The following DEUP1 variants were observed in gnomAD, a reference collection of about 807,000 sequenced individuals.
DEUP1 encodes coiled-coil domain containing 67.
DEUP1 carries 82 observed loss-of-function variants against 87.4 expected under a neutral mutation model. The observed-to-expected ratio is 0.94, with a 90% CI of 0.78 to 1.13. The LOEUF (loss-of-function observed/expected upper bound fraction) is 1.13. Ranked by LOEUF, DEUP1 falls within the 50% of genes most tolerant of loss-of-function variation. DEUP1 has a pLI of 0.00. For missense variants in DEUP1, 663 were observed against 681.5 expected (o/e 0.97, Z 0.30); for synonymous variants, 214 against 222.7 (o/e 0.96, Z 0.35).
chr11:93,376,535 T>A (rs1387494485), intron 7 of DEUP1, among the ~76,000 whole-genome samples: 7 of 152,216 alleles, frequency 4.6e-5, no homozygotes, highest in Admixed American at 4.6e-4. Context: ...ATCTTGCTAA[T>A]GGTCTATTGA....
intron 13 of DEUP1, among the ~76,000 whole-genome samples, chr11:93,420,068 G>A (rs1591264358): frequency 6.6e-6 from 1 of 152,222 alleles, no homozygotes; most frequent in African/African-American, 2.4e-5. Flanking sequence ...ATTTTATGAG[G>A]CCAGCATCAT....
At chr11:93,373,625 G>GTGTATATATATATA (rs796309948) in intron 7 of DEUP1, among the ~76,000 whole-genome samples, 11 of 67,008 alleles carry the variant, frequency 1.6e-4, no homozygotes, top group African/African-American at 4.1e-4. Flanking sequence ...ATATATATAC[G>GTGTATATATATATA]TATATATATA....
intron 6 of DEUP1, among the ~76,000 whole-genome samples, chr11:93,370,489 C>T (rs577381328): frequency 1.3e-5 from 2 of 152,312 alleles, no homozygotes; most frequent in East Asian, 3.9e-4. Context: ...CTTTGTATTT[C>T]CCTGGCTACT....
chr11:93,410,440 G>C (rs1263487336), intron 12 of DEUP1, among the ~76,000 whole-genome samples: 1 of 152,164 alleles, frequency 6.6e-6, no homozygotes, highest in Non-Finnish European at 1.5e-5. Context: ...AAGAATATAT[G>C]TTCTAATATG....
intron 9 of DEUP1, among the ~76,000 whole-genome samples, chr11:93,393,440 G>T (rs1400941546): frequency 6.6e-6 from 1 of 151,790 alleles, no homozygotes; most frequent in Non-Finnish European, 1.5e-5. Context: ...CTGGGTTCCA[G>T]GCATCCTTCC....
At chr11:93,376,328 A>G (rs1464096295) in intron 7 of DEUP1, among the ~76,000 whole-genome samples, 1 of 152,084 alleles carries the variant, frequency 6.6e-6, no homozygotes, top group Non-Finnish European at 1.5e-5. Context: ...GGAGGGTTTA[A>G]TCTAGGAGGG....
At chr11:93,392,108 G>C (rs552958471) in intron 9 of DEUP1, among the ~76,000 whole-genome samples, 1 of 152,250 alleles carries the variant, frequency 6.6e-6, no homozygotes, top group African/African-American at 2.4e-5. Context: ...TTTGCCTCTG[G>C]ACATGTGTAC....
intron 13 of DEUP1, among the ~76,000 whole-genome samples, chr11:93,434,283 C>T (rs1948178996): frequency 6.6e-6 from 1 of 152,214 alleles, no homozygotes; most frequent in Non-Finnish European, 1.5e-5. Flanking sequence ...CTATCACTGC[C>T]TCACCCATTC....
chr11:93,384,328 T>C (rs891277886), intron 7 of DEUP1, among the ~76,000 whole-genome samples: 2 of 152,238 alleles, frequency 1.3e-5, no homozygotes, highest in Non-Finnish European at 2.9e-5. Context: ...AGCCAAGAGA[T>C]AGCCAGTCTC....
rs1249438272 is a variant in DEUP1 at position 93,372,164 on chromosome 11, G to A, written c.789+884G>A. ...GGGATGGTCTCGATCTCCTGACCTC[G>A]TGATCCGCCCGCCTCGGCCTCCCAA... On this transcript the variant is annotated intron_variant, in intron 7 of 13. Coordinates refer to ENST00000298050, the MANE Select transcript of DEUP1 (RefSeq NM_181645.4). Among the ~76,000 whole-genome samples, 8 of 151,986 alleles carry A rather than the reference G, an allele frequency of 5.3e-5. 1 individual carries two copies. Among genetic ancestry groups the A allele is most frequent in the Admixed American group, 4.6e-4 (7 of 15,272 alleles).
Position 93,401,997 on chromosome 11 carries a change from T to C in DEUP1, c.1326+5672T>C, listed in dbSNP as rs1457086344. On this transcript the variant is annotated intron_variant, in intron 11 of 13. Transcript: ENST00000298050. ...AAAATACAGGCAATCAAAGGAAAAA[T>C]AGGTAAGTGGGATCATATCAAGCTG... Among the ~76,000 whole-genome samples, 3 of 151,776 alleles carry C rather than the reference T, an allele frequency of 2.0e-5. No individual in the cohort carries two copies. In the South Asian group the frequency reaches 6.2e-4, roughly 32 times the overall value.
intron 13 of DEUP1, among the ~76,000 whole-genome samples, chr11:93,415,374 A>T (rs532280024): frequency 1.7e-4 from 26 of 151,988 alleles, no homozygotes; most frequent in East Asian, 5.8e-4. Flanking sequence ...GGTGTTTTTT[A>T]AAAAAAATGC....
At chr11:93,399,521 A>T (rs1222509532) in intron 11 of DEUP1, among the ~76,000 whole-genome samples, 3 of 151,846 alleles carry the variant, frequency 2.0e-5, no homozygotes, top group African/African-American at 7.2e-5. Context: ...TTTCTTTTAA[A>T]ATGTATTCCT....
chr11:93,367,055 G>A (rs866654785), intron 5 of DEUP1, among the ~76,000 whole-genome samples: 61 of 151,970 alleles, frequency 4.0e-4, no homozygotes, highest in African/African-American at 1.3e-3. Context: ...TGTCAGAATC[G>A]AAGTCAATAA....
rs374955294 is a variant in DEUP1 at position 93,334,724 on chromosome 11, A to G, written c.29+2436A>G. 7.2e-5 allele frequency among the ~76,000 whole-genome samples: 11 copies of G among 152,240 alleles called. No individual in the cohort carries two copies. In the East Asian group the frequency reaches 2.1e-3, roughly 29 times the overall value. On this transcript the variant is annotated intron_variant, in intron 2 of 13. Coordinates refer to ENST00000298050, the MANE Select transcript of DEUP1 (RefSeq NM_181645.4). ...CATGGTTATAACCGGGTTTGATGTT[A>G]ATTTATCCATGATTTCTTCCAATTA...
intron 11 of DEUP1, among the ~76,000 whole-genome samples, chr11:93,406,863 A>G (rs1947295220): frequency 6.6e-6 from 1 of 152,018 alleles, no homozygotes; most frequent in Non-Finnish European, 1.5e-5. Context: ...CAAATAGACA[A>G]TTGACAAAAG....
intron 7 of DEUP1, among the ~76,000 whole-genome samples, chr11:93,382,107 A>G (rs1946330098): frequency 1.3e-5 from 2 of 152,218 alleles, no homozygotes; most frequent in Admixed American, 1.3e-4. Context: ...TGAGTCAAGT[A>G]CCAAAGAATC....
chr11:93,380,663 A>G (rs991265264), intron 7 of DEUP1, among the ~76,000 whole-genome samples: 1 of 152,136 alleles, frequency 6.6e-6, no homozygotes, highest in Non-Finnish European at 1.5e-5. Flanking sequence ...TTGGCCTCCC[A>G]AAGTGCTGGG....
At chr11:93,434,789 C>T (rs1331358293) in intron 13 of DEUP1, among the ~76,000 whole-genome samples, 1 of 152,124 alleles carries the variant, frequency 6.6e-6, no homozygotes, top group Non-Finnish European at 1.5e-5. Context: ...CCCTTTTGTT[C>T]CCAGATCCAT....
Sources: allele counts gnomAD v4.1 joint callset (sites outside exome capture counted in the v4.1 genomes callset), GRCh38; gene constraint gnomAD v4.1.1; transcripts MANE v1.5; gene names NCBI Gene and HGNC (gene_info 2026-07-23, HGNC 2026-07-21).